Variants in FBXO11 observed in about 807,000 individuals in gnomAD.
FBXO11 encodes the protein F-box only protein 11.
FBXO11 carries 13 observed loss-of-function variants against 117.0 expected under a neutral mutation model. The ratio of observed to expected loss-of-function variants is 0.11; its 90% CI spans 0.07 to 0.18. The LOEUF (loss-of-function observed/expected upper bound fraction) is 0.18. Ranked by LOEUF, FBXO11 falls within the 10% of genes least tolerant of loss-of-function variation. The probability of loss-of-function intolerance (pLI) is 1.00; values close to 1 mark genes in which losing one functional copy is unlikely to be tolerated. For missense variants in FBXO11, 767 were observed against 1,164.4 expected (o/e 0.66, Z 4.97); for synonymous variants, 490 against 380.5 (o/e 1.29, Z -3.35).
Position 47,877,390 on chromosome 2 carries a change from C to G in FBXO11, c.232+28099G>C, listed in dbSNP as rs187950857. The stretch of plus-strand genomic sequence containing the variant: ...ATTCCCACTCCTGCAAAAAAGAAAA[C>G]ATACTATAAATACTGTTTCATGATT... On this transcript the variant is annotated intron_variant, in intron 1 of 22. Transcript: ENST00000403359. 1.2e-3 allele frequency among the ~76,000 whole-genome samples: 178 copies of G among 152,238 alleles called. 1 individual carries two copies. The highest frequency in any genetic ancestry group is 2.2e-3 in the Admixed American group (33 of 15,290).
rs867535490 is a variant in FBXO11 at position 47,840,915 on chromosome 2, T to C, written c.233-1146A>G. 1.0e-3 allele frequency among the ~76,000 whole-genome samples: 153 copies of C among 151,686 alleles called. 1 individual carries two copies. Among genetic ancestry groups the C allele is most frequent in the African/African-American group, 3.4e-3 (141 of 41,378 alleles). On this transcript the variant is annotated intron_variant, in intron 1 of 22. Transcript: ENST00000403359. ...AAACCAACCCATCATGTTGAAAACTTGTAAATAACACAGTGGCTCAAGCCT... is the reference window on the plus strand; with the variant it reads ...AAACCAACCCATCATGTTGAAAACTCGTAAATAACACAGTGGCTCAAGCCT...
chr2:47,849,735 G>A (rs550335306), intron 1 of FBXO11, among the ~76,000 whole-genome samples: 8 of 152,282 alleles, frequency 5.3e-5, no homozygotes, highest in African/African-American at 1.9e-4. Flanking sequence ...GCTAAGAAAT[G>A]GATGACAACT....
At chr2:47,808,512 T>G in intron 21 of FBXO11, 85 bp from the exon 22 acceptor site, 1 of 1,280,564 alleles carries the variant, frequency 7.8e-7, no homozygotes, top group Non-Finnish European at 1.1e-6. Flanking sequence ...ACTATGACCT[T>G]TGGCTTTAAG....
chr2:47,857,581 G>T (rs557530338), intron 1 of FBXO11, among the ~76,000 whole-genome samples: 1 of 152,134 alleles, frequency 6.6e-6, no homozygotes, highest in African/African-American at 2.4e-5. Flanking sequence ...TAATCATGGG[G>T]GGTAGATTTC....
intron 5 of FBXO11, among the ~76,000 whole-genome samples, chr2:47,835,545 C>T (rs769006896): frequency 6.6e-6 from 1 of 152,102 alleles, no homozygotes; most frequent in African/African-American, 2.4e-5. Flanking sequence ...GTCGCCCAGG[C>T]TGGAGTGCAG....
chr2:47,895,286 T>A (rs1245313213), intron 1 of FBXO11, among the ~76,000 whole-genome samples: 1 of 152,214 alleles, frequency 6.6e-6, no homozygotes, highest in Non-Finnish European at 1.5e-5. Context: ...AACTGTAGTA[T>A]ATTCATACAA....
intron 11 of FBXO11, among the ~76,000 whole-genome samples, chr2:47,828,550 A>C (rs1335764545): frequency 6.6e-6 from 1 of 151,654 alleles, no homozygotes; most frequent in African/African-American, 2.4e-5. Context: ...TGGAGGTTGC[A>C]GTGAGCCGCG....
chr2:47,839,602 C>A (rs761865743), intron 2 of FBXO11, 40 bp downstream of exon 2: 53 of 1,605,428 alleles, frequency 3.3e-5, no homozygotes, highest in Admixed American at 1.4e-4. Flanking sequence ...CTTGAAAATT[C>A]TTTCATTACA....
intron 16 of FBXO11, among the ~76,000 whole-genome samples, chr2:47,818,126 A>AC (rs1443442505): frequency 2.6e-5 from 4 of 152,236 alleles, no homozygotes; most frequent in Non-Finnish European, 4.4e-5. Flanking sequence ...AAACAAACAA[A>AC]AAGGATCACT....
intron 19 of FBXO11, 172 bp from the exon 20 acceptor site, chr2:47,809,879 A>T: frequency 1.8e-6 from 1 of 546,658 alleles, no homozygotes; most frequent in Non-Finnish European, 3.2e-6. Context: ...ACATTCACTT[A>T]TCAATGACTA....
At chr2:47,871,408 C>T (rs1392118084) in intron 1 of FBXO11, among the ~76,000 whole-genome samples, 1 of 152,174 alleles carries the variant, frequency 6.6e-6, no homozygotes, top group African/African-American at 2.4e-5. Context: ...CCCTGGCCGA[C>T]AGTTTGAGTG....
At chr2:47,851,504 G>C (rs1200616068) in intron 1 of FBXO11, among the ~76,000 whole-genome samples, 2 of 152,168 alleles carry the variant, frequency 1.3e-5, no homozygotes, top group African/African-American at 4.8e-5. Flanking sequence ...TGGGATTACA[G>C]GTGTGAGCCA....
intron 12 of FBXO11, among the ~76,000 whole-genome samples, chr2:47,822,887 A>G (rs1240183343): frequency 2.6e-5 from 4 of 152,230 alleles, no homozygotes; most frequent in African/African-American, 9.6e-5. Flanking sequence ...AATTTAAAAT[A>G]AAAATCACAG....
At chr2:47,822,772 T>C (rs1178812593) in intron 12 of FBXO11, among the ~76,000 whole-genome samples, 1 of 152,198 alleles carries the variant, frequency 6.6e-6, no homozygotes, top group Non-Finnish European at 1.5e-5. Context: ...GAGATATTTT[T>C]CCTGAATTAT....
At chr2:47,904,285 AAAC>A (rs1419340368) in intron 1 of FBXO11, among the ~76,000 whole-genome samples, 8 of 152,258 alleles carry the variant, frequency 5.3e-5, no homozygotes, top group East Asian at 3.9e-4. Context: ...CTCCTCCTTA[AAAC>A]AACAACCGTA....
At chr2:47,875,146 T>C (rs1675906131) in intron 1 of FBXO11, among the ~76,000 whole-genome samples, 1 of 152,180 alleles carries the variant, frequency 6.6e-6, no homozygotes, top group South Asian at 2.1e-4. Context: ...TCCGTATCTG[T>C]GCAGTCCAAC....
intron 11 of FBXO11, among the ~76,000 whole-genome samples, chr2:47,828,560 G>A (rs1011257728): frequency 7.3e-5 from 11 of 150,638 alleles, no homozygotes; most frequent in African/African-American, 2.2e-4. Context: ...AGTGAGCCGC[G>A]ATTGCACCAC....
intron 1 of FBXO11, among the ~76,000 whole-genome samples, chr2:47,855,079 G>A (rs1336284411): frequency 6.6e-6 from 1 of 152,040 alleles, no homozygotes; most frequent in Non-Finnish European, 1.5e-5. Context: ...TCACTTTCTA[G>A]AATTGTGAGA....
At chr2:47,887,156 A>T (rs1033202809) in intron 1 of FBXO11, among the ~76,000 whole-genome samples, 2 of 151,948 alleles carry the variant, frequency 1.3e-5, no homozygotes, top group African/African-American at 4.8e-5. Context: ...ATGGTGGCGC[A>T]TACCTGTAAT....
Sources: allele counts gnomAD v4.1 joint callset (sites outside exome capture counted in the v4.1 genomes callset), GRCh38; gene constraint gnomAD v4.1.1; transcripts MANE v1.5; gene names NCBI Gene and HGNC (gene_info 2026-07-23, HGNC 2026-07-21).